The following CSMD1 variants were observed in gnomAD, a reference collection of about 807,000 sequenced individuals.
The protein encoded by CSMD1 is CUB and sushi domain-containing protein 1.
Under a neutral mutation model 417.5 loss-of-function variants are expected in CSMD1, and 213 were observed. The ratio of observed to expected loss-of-function variants is 0.51; its 90% confidence interval spans 0.46 to 0.57. The LOEUF is 0.57. Ranked by LOEUF, CSMD1 falls within the 20% of genes least tolerant of loss-of-function variation. The pLI is 0.00. For missense variants in CSMD1, 6,923 were observed against 4,529.7 expected (o/e 1.53, Z -15.17); for synonymous variants, 2,862 against 1,736.8 (o/e 1.65, Z -16.11).
intron 22 of CSMD1, among the ~76,000 whole-genome samples, chr8:3,343,895 C>G (rs1017657364): frequency 6.6e-6 from 1 of 152,160 alleles, no homozygotes; most frequent in Non-Finnish European, 1.5e-5. Context: ...TCCCTTCTGT[C>G]TGAATGCACT....
At chr8:4,394,260 TA>T (rs1804056349) in intron 3 of CSMD1, among the ~76,000 whole-genome samples, 1 of 152,192 alleles carries the variant, frequency 6.6e-6, no homozygotes, top group Non-Finnish European at 1.5e-5. Flanking sequence ...AAAACAAATA[TA>T]AAAATTGACA....
Position 4,402,572 on chromosome 8 carries a change from G to C in CSMD1, c.415+17381C>G, listed in dbSNP as rs533370796. Among the ~76,000 whole-genome samples the C allele has an allele frequency of 2.0e-5, 3 of 152,220 alleles. No individual in the cohort carries two copies. The South Asian group carries it at 6.2e-4, about 32-fold the overall frequency. On this transcript the variant is annotated intron_variant, in intron 3 of 69. Transcript: ENST00000635120. ...CTTTATTCTTCCACTCTTGAAGGGA[G>C]ACTTTTATAGAAGATGCTTTGAATA...
intron 5 of CSMD1, among the ~76,000 whole-genome samples, chr8:3,996,629 A>C (rs964360964): frequency 7.2e-5 from 11 of 152,202 alleles, no homozygotes; most frequent in Non-Finnish European, 1.0e-4. Flanking sequence ...TGAGTGTTTA[A>C]AGTTAAAGTC....
chr8:3,452,547 A>C (rs1388579215), intron 12 of CSMD1, among the ~76,000 whole-genome samples: 1 of 152,202 alleles, frequency 6.6e-6, no homozygotes, highest in Non-Finnish European at 1.5e-5. Context: ...ATTTTGTCAA[A>C]GGCCTTTTCT....
chr8:3,817,546 A>T (rs1471823567), intron 5 of CSMD1, among the ~76,000 whole-genome samples: 1 of 151,906 alleles, frequency 6.6e-6, no homozygotes, highest in African/African-American at 2.4e-5. Context: ...CCCAAAGCGC[A>T]GGGATTGCAG....
At chr8:3,137,474 C>T (rs183697620) in intron 41 of CSMD1, among the ~76,000 whole-genome samples, 73 of 152,254 alleles carry the variant, frequency 4.8e-4, no homozygotes, top group Middle Eastern at 3.4e-3. Context: ...CTGCTGAGCG[C>T]GGAGCGAGGT....
chr8:3,736,345 G>T (rs551030347), intron 6 of CSMD1, among the ~76,000 whole-genome samples: 2 of 151,948 alleles, frequency 1.3e-5, no homozygotes, highest in African/African-American at 4.8e-5. Context: ...GGGCTCAGGT[G>T]ATTCTCCTAC....
At chr8:3,914,649 C>G (rs781336076) in intron 5 of CSMD1, among the ~76,000 whole-genome samples, 9 of 152,244 alleles carry the variant, frequency 5.9e-5, no homozygotes, top group South Asian at 2.1e-4. Context: ...AGATCTCCAC[C>G]TAGTCCACGT....
chr8:4,167,555 G>A (rs980706412), intron 3 of CSMD1, among the ~76,000 whole-genome samples: 1 of 152,116 alleles, frequency 6.6e-6, no homozygotes, highest in Non-Finnish European at 1.5e-5. Flanking sequence ...GCTTGTTGCA[G>A]AAATTAGCAG....
intron 1 of CSMD1, among the ~76,000 whole-genome samples, chr8:4,900,570 C>A (rs544792604): frequency 6.6e-6 from 1 of 152,138 alleles, no homozygotes; most frequent in South Asian, 2.1e-4. Flanking sequence ...CTCCCAGTGC[C>A]ACCTTTCTGG....
At chr8:3,740,642 A>G (rs371526400) in intron 6 of CSMD1, among the ~76,000 whole-genome samples, 4 of 152,226 alleles carry the variant, frequency 2.6e-5, no homozygotes, top group African/African-American at 9.6e-5. Context: ...AGACAAATGT[A>G]GGGACCTGGG....
intron 1 of CSMD1, among the ~76,000 whole-genome samples, chr8:4,673,593 G>A (rs569309271): frequency 3.3e-5 from 5 of 152,126 alleles, no homozygotes; most frequent in Admixed American, 6.6e-5. Flanking sequence ...GGGAAACTCT[G>A]GGGGCAATTC....
At chr8:3,093,937 G>A (rs140664340) in intron 47 of CSMD1, among the ~76,000 whole-genome samples, 3 of 152,218 alleles carry the variant, frequency 2.0e-5, no homozygotes, top group Non-Finnish European at 2.9e-5. Context: ...AAGACAAAGC[G>A]TGTTTGGTAT....
chr8:3,781,453 A>G (rs998726974), intron 5 of CSMD1, among the ~76,000 whole-genome samples: 1 of 151,984 alleles, frequency 6.6e-6, no homozygotes, highest in Non-Finnish European at 1.5e-5. Context: ...CTCTCAGAGA[A>G]TACGGGTTAA....
intron 18 of CSMD1, among the ~76,000 whole-genome samples, chr8:3,379,989 A>C (rs1426133433): frequency 6.6e-6 from 1 of 152,222 alleles, no homozygotes; most frequent in Non-Finnish European, 1.5e-5. Flanking sequence ...TTTGCAATCT[A>C]TCCATCTGAC....
chr8:3,159,933 A>G (rs1819779031), intron 38 of CSMD1, among the ~76,000 whole-genome samples: 2 of 152,230 alleles, frequency 1.3e-5, no homozygotes, highest in Admixed American at 6.5e-5. Flanking sequence ...TCAGGTAGAA[A>G]GAAGAGGAAC....
At chr8:3,164,200 C>G (rs939042510) in intron 37 of CSMD1, among the ~76,000 whole-genome samples, 1 of 152,170 alleles carries the variant, frequency 6.6e-6, no homozygotes, top group Non-Finnish European at 1.5e-5. Flanking sequence ...GAATGGAAAG[C>G]AGTGGTACAT....
At chr8:3,912,642 T>A (rs1379997890) in intron 5 of CSMD1, among the ~76,000 whole-genome samples, 2 of 152,038 alleles carry the variant, frequency 1.3e-5, no homozygotes, top group Admixed American at 1.3e-4. Context: ...TTTACAAGCG[T>A]CCTCAAGTGG....
intron 1 of CSMD1, among the ~76,000 whole-genome samples, chr8:4,711,043 A>C (rs1440171619): frequency 6.6e-6 from 1 of 152,002 alleles, no homozygotes; most frequent in Non-Finnish European, 1.5e-5. Context: ...GCAACTAAAG[A>C]AAATAAAATT....
Sources: allele counts gnomAD v4.1 joint callset (sites outside exome capture counted in the v4.1 genomes callset), GRCh38; gene constraint gnomAD v4.1.1; transcripts MANE v1.5; gene names NCBI Gene and HGNC (gene_info 2026-07-23, HGNC 2026-07-21).